Variants in EFNA5 observed in about 807,000 individuals in gnomAD.
EFNA5 encodes ephrin A5.
A neutral mutation model predicts 22.9 loss-of-function variants in EFNA5; 5 were observed. The observed-to-expected ratio is 0.22, with a 90% confidence interval of 0.11 to 0.46. The LOEUF (loss-of-function observed/expected upper bound fraction) is 0.46. Ranked by LOEUF, EFNA5 falls within the 20% of genes least tolerant of loss-of-function variation. The pLI, the probability that EFNA5 is intolerant of heterozygous loss-of-function variation, is 0.99. For missense variants in EFNA5, 237 were observed against 293.3 expected (o/e 0.81, Z 1.40); for synonymous variants, 113 against 112.2 (o/e 1.01, Z -0.04).
intron 4 of EFNA5, among the ~76,000 whole-genome samples, chr5:107,383,732 C>T (rs1271466806): frequency 2.6e-5 from 4 of 152,172 alleles, no homozygotes; most frequent in Non-Finnish European, 5.9e-5. Flanking sequence ...TCATCACCAC[C>T]CTAGTCCCTT....
In EFNA5 at chr5:107,381,402, C is replaced by T. The variant is rs1485412147; in HGVS notation, c.566-26G>A. The stretch of plus-strand genomic sequence containing the variant: ...CTGTTCAAATAGAAAGCACACATTC[C>T]AATGAGATTTCACATCCTTAATAAC... On this transcript the variant is annotated intron_variant, in intron 4 of 4. Transcript: ENST00000333274. 3 of 1,589,354 alleles carry T rather than the reference C, an allele frequency of 1.9e-6. No individual in the cohort carries two copies. The Admixed American group carries it at 5.1e-5, about 27-fold the overall frequency.
Position 107,541,329 on chromosome 5 carries a change from AT to A in EFNA5, c.126-113821del, listed in dbSNP as rs545050517. Among the ~76,000 whole-genome samples the A allele has an allele frequency of 6.2e-4, 94 of 152,316 alleles. 1 individual carries two copies. The East Asian group carries it at 0.016, about 27-fold the overall frequency. On this transcript the variant is annotated intron_variant, in intron 1 of 4. Transcript: ENST00000333274. ...TGAAAGTTAATTTATCAGAATGCCAATAGCAATTATCTATGTGTTCTTATTT... is the reference window on the plus strand; with the variant it reads ...TGAAAGTTAATTTATCAGAATGCCAAAGCAATTATCTATGTGTTCTTATTT...
chr5:107,442,905 G>A (rs371811336), intron 1 of EFNA5, among the ~76,000 whole-genome samples: 2 of 124,978 alleles, frequency 1.6e-5, no homozygotes, highest in African/African-American at 3.1e-5. Flanking sequence ...AAAACTTCCC[G>A]AGGAGCGAAA....
chr5:107,414,520 A>G (rs1045206851), intron 2 of EFNA5, among the ~76,000 whole-genome samples: 2 of 152,190 alleles, frequency 1.3e-5, no homozygotes, highest in African/African-American at 4.8e-5. Context: ...CTCAGTAAGC[A>G]CTGATGAACT....
rs552745368 is a variant in EFNA5 at position 107,379,084 on chromosome 5, T to G, written c.*2171A>C. On this transcript the variant is annotated 3_prime_UTR_variant, in exon 5 of 5. Coordinates refer to ENST00000333274, the MANE Select transcript of EFNA5 (RefSeq NM_001962.3). ...GAATTGAATGCCGTGAACTTTTGTT[T>G]TGGTGAAATGGTGGCTGCCTTCTGT... 6.6e-6 allele frequency: 1 copy of G among 152,320 alleles called. No homozygotes were observed. The highest frequency in any genetic ancestry group is 1.9e-4 in the East Asian group (1 of 5,174). The allele number at this position is 152,320 out of a possible 1,614,324, so 9.4% of individuals were successfully genotyped here.
chr5:107,450,758 G>A (rs940987254), intron 1 of EFNA5, among the ~76,000 whole-genome samples: 1 of 152,194 alleles, frequency 6.6e-6, no homozygotes, highest in East Asian at 1.9e-4. Context: ...AAATTATATG[G>A]TATTGTTGAG....
chr5:107,407,987 A>G (rs1748266882), intron 2 of EFNA5, among the ~76,000 whole-genome samples: 1 of 152,208 alleles, frequency 6.6e-6, no homozygotes, highest in African/African-American at 2.4e-5. Context: ...TATTTCCAGA[A>G]AGCACAGGGG....
At chr5:107,498,141 C>T (rs1747035633) in intron 1 of EFNA5, among the ~76,000 whole-genome samples, 1 of 152,172 alleles carries the variant, frequency 6.6e-6, no homozygotes. Context: ...GCCTTGAGCT[C>T]CTGACCTCAA....
At chr5:107,393,844 T>C (rs1483628774) in intron 2 of EFNA5, among the ~76,000 whole-genome samples, 1 of 152,182 alleles carries the variant, frequency 6.6e-6, no homozygotes, top group Non-Finnish European at 1.5e-5. Context: ...ACTGGAAATA[T>C]CTCCTAGAAT....
chr5:107,495,367 T>C (rs469785), intron 1 of EFNA5, among the ~76,000 whole-genome samples: 93,120 of 151,264 alleles, frequency 0.62, 31,306 homozygotes, highest in African/African-American at 0.9. Flanking sequence ...AGACCACGAA[T>C]CCAACAGAAG....
chr5:107,569,415 TTATGTA>T (rs1748730306), intron 1 of EFNA5, among the ~76,000 whole-genome samples: 1 of 144,096 alleles, frequency 6.9e-6, no homozygotes, highest in Admixed American at 7.1e-5. Context: ...ATATATATAT[TTATGTA>T]TATGTGTGTA....
chr5:107,594,635 G>T (rs1371344063), intron 1 of EFNA5, among the ~76,000 whole-genome samples: 1 of 152,134 alleles, frequency 6.6e-6, no homozygotes, highest in Non-Finnish European at 1.5e-5. Context: ...TCAGTTGGTG[G>T]TGTGGAACTT....
chr5:107,574,385 G>T (rs184265465), intron 1 of EFNA5, among the ~76,000 whole-genome samples: 239 of 151,966 alleles, frequency 1.6e-3, no homozygotes, highest in African/African-American at 5.6e-3. Context: ...CATTCAATAA[G>T]CTCTGACTGA....
chr5:107,393,898 G>A (rs1445968225), intron 2 of EFNA5, among the ~76,000 whole-genome samples: 1 of 152,248 alleles, frequency 6.6e-6, no homozygotes, highest in African/African-American at 2.4e-5. Context: ...GAGTGGAGTG[G>A]GGAAACAGAA....
intron 1 of EFNA5, among the ~76,000 whole-genome samples, chr5:107,571,867 C>T (rs1748815839): frequency 6.6e-6 from 1 of 152,148 alleles, no homozygotes; most frequent in African/African-American, 2.4e-5. Context: ...ACACTTGGTC[C>T]TGTTCCCTGC....
chr5:107,592,027 ATT>A (rs1491182729), intron 1 of EFNA5, among the ~76,000 whole-genome samples: 4 of 45,098 alleles, frequency 8.9e-5, no homozygotes, highest in South Asian at 3.9e-4. Context: ...TATAATATAT[ATT>A]ATATATTATA....
At chr5:107,485,856 G>A (rs750752680) in intron 1 of EFNA5, among the ~76,000 whole-genome samples, 2 of 151,926 alleles carry the variant, frequency 1.3e-5, no homozygotes, top group African/African-American at 2.4e-5. Context: ...TACAATGTTC[G>A]TTTTTTTTAA....
At chr5:107,652,000 C>T (rs950860353) in intron 1 of EFNA5, among the ~76,000 whole-genome samples, 1 of 152,102 alleles carries the variant, frequency 6.6e-6, no homozygotes, top group Non-Finnish European at 1.5e-5. Context: ...AATGCAGCCT[C>T]GTGTATGTGT....
chr5:107,473,635 A>G (rs1258643718), intron 1 of EFNA5, among the ~76,000 whole-genome samples: 1 of 151,708 alleles, frequency 6.6e-6, no homozygotes, highest in African/African-American at 2.4e-5. Flanking sequence ...ATTCTAATTC[A>G]TTAACAATCG....
Sources: allele counts gnomAD v4.1 joint callset (sites outside exome capture counted in the v4.1 genomes callset), GRCh38; gene constraint gnomAD v4.1.1; transcripts MANE v1.5; gene names NCBI Gene and HGNC (gene_info 2026-07-23, HGNC 2026-07-21).